Variants in IRAK3 observed in about 807,000 individuals in gnomAD.
IRAK3 encodes the protein interleukin-1 receptor-associated kinase 3.
Under a neutral mutation model 56.6 loss-of-function variants are expected in IRAK3, and 57 were observed. The ratio of observed to expected loss-of-function variants is 1.01; its 90% CI spans 0.81 to 1.26. The LOEUF (loss-of-function observed/expected upper bound fraction) is 1.26, where lower values mean the gene tolerates loss of function less well. Among genes scored for constraint, IRAK3 ranks in the 50% most tolerant of loss-of-function variants. The probability of loss-of-function intolerance (pLI) is 0.00; values close to 1 mark genes in which losing one functional copy is unlikely to be tolerated. For missense variants in IRAK3, 703 were observed against 719.0 expected (o/e 0.98, Z 0.25); for synonymous variants, 258 against 255.7 (o/e 1.01, Z -0.09).
intron 6 of IRAK3, among the ~76,000 whole-genome samples, chr12:66,222,461 CG>C (rs1354643417): frequency 6.6e-6 from 1 of 151,836 alleles, no homozygotes; most frequent in Non-Finnish European, 1.5e-5. Flanking sequence ...TGTTGGCATA[CG>C]ATAGTTCATA....
At chr12:66,240,536 G>T (rs1247481374) in intron 8 of IRAK3, among the ~76,000 whole-genome samples, 1 of 152,144 alleles carries the variant, frequency 6.6e-6, no homozygotes, top group Non-Finnish European at 1.5e-5. Flanking sequence ...TAGCCTGCAG[G>T]TTCTAGGAGA....
At chr12:66,238,409 AC>A (rs2052930200) in intron 8 of IRAK3, among the ~76,000 whole-genome samples, 1 of 152,228 alleles carries the variant, frequency 6.6e-6, no homozygotes, top group South Asian at 2.1e-4. Context: ...GCTGAGGCTT[AC>A]AGAGATTAGT....
At chr12:66,206,902 A>G (rs1212738277) in intron 2 of IRAK3, among the ~76,000 whole-genome samples, 18 of 152,104 alleles carry the variant, frequency 1.2e-4, no homozygotes. Context: ...GTCCATGTAT[A>G]TTGTTTATTT....
At chr12:66,213,060 A>T (rs572816537) in intron 5 of IRAK3, among the ~76,000 whole-genome samples, 3 of 152,186 alleles carry the variant, frequency 2.0e-5, no homozygotes, top group African/African-American at 7.2e-5. Flanking sequence ...AAAAATAAAT[A>T]AAAAAGAAAA....
intron 1 of IRAK3, among the ~76,000 whole-genome samples, chr12:66,198,599 C>T (rs2052477216): frequency 1.3e-5 from 2 of 151,914 alleles, no homozygotes; most frequent in South Asian, 4.2e-4. Context: ...ATGTCTTATC[C>T]CAAAGTTTCA....
At chr12:66,217,071 C>G (rs1026744059) in intron 5 of IRAK3, 100 bp from the exon 6 acceptor site, 1 of 855,178 alleles carries the variant, frequency 1.2e-6, no homozygotes, top group African/African-American at 1.7e-5. Context: ...GTGTTTACAC[C>G]AAAAAGTTCA....
intron 8 of IRAK3, chr12:66,234,211 A>G (rs1353484168): frequency 6.2e-7 from 1 of 1,613,876 alleles, no homozygotes; most frequent in African/African-American, 1.3e-5. Flanking sequence ...CTCCTTGCAT[A>G]GCTGACGTTG....
At chr12:66,196,971 A>G in intron 1 of IRAK3, 1 of 1,534,670 alleles carries the variant, frequency 6.5e-7, no homozygotes, top group Non-Finnish European at 8.7e-7. Context: ...CCAAATACGG[A>G]TGTGTTGCAT....
At chr12:66,209,914 G>T (rs183227383) in intron 3 of IRAK3, among the ~76,000 whole-genome samples, 1 of 152,230 alleles carries the variant, frequency 6.6e-6, no homozygotes, top group Admixed American at 6.5e-5. Context: ...AATTGACTTT[G>T]ACTGACTATG....
intron 1 of IRAK3, among the ~76,000 whole-genome samples, chr12:66,202,332 T>TTC (rs1349110542): frequency 9.9e-5 from 15 of 152,100 alleles, no homozygotes; most frequent in Non-Finnish European, 2.1e-4. Flanking sequence ...AGGATTGAGC[T>TTC]TCTATACACC....
At chr12:66,223,392 G>C (rs1391171390) in intron 6 of IRAK3, among the ~76,000 whole-genome samples, 1 of 151,932 alleles carries the variant, frequency 6.6e-6, no homozygotes, top group Non-Finnish European at 1.5e-5. Flanking sequence ...AGGCGCGGTG[G>C]CTCACGCCTG....
At chr12:66,235,562 G>T (rs1226417245) in intron 8 of IRAK3, among the ~76,000 whole-genome samples, 2 of 151,902 alleles carry the variant, frequency 1.3e-5, no homozygotes, top group Non-Finnish European at 2.9e-5. Context: ...GTTCGCGCGC[G>T]GAGCTGGCGG....
intron 1 of IRAK3, chr12:66,197,663 A>G (rs1445917173): frequency 8.1e-6 from 8 of 985,316 alleles, no homozygotes; most frequent in South Asian, 9.4e-5. Flanking sequence ...AACTTCTGCT[A>G]TTAGAAAAAA....
chr12:66,209,141 TAAC>T (rs1458865085), intron 2 of IRAK3, among the ~76,000 whole-genome samples: 3 of 151,822 alleles, frequency 2.0e-5, no homozygotes, highest in African/African-American at 4.8e-5. Context: ...TTTTAATGTC[TAAC>T]AACAATTTGT....
At chr12:66,209,318 T>G (rs976669163) in intron 2 of IRAK3, 138 bp from the exon 3 acceptor site, 1 of 646,662 alleles carries the variant, frequency 1.5e-6, no homozygotes, top group African/African-American at 1.8e-5. Context: ...TTTCACAAAT[T>G]TATCGTAATG....
rs34272472 is a variant in IRAK3 at position 66,245,099 on chromosome 12, G to A, written c.1151G>A (p.Arg384Gln). ...AAAATTGTCTCCCTCTCTTCCAAGC[G>A]GGATCTCCTTAGAGAATTGATGGAG... is the stretch of plus-strand genomic sequence containing the variant. ...VLDDPKHIQL[R>Q]DLLRELMEKR... is the part of the protein sequence containing the mutation. Residue 384 changes from arginine (R) to glutamine (Q), a missense_variant and splice_region_variant, in exon 11 of 12, where the codon CGG becomes CAG. By Grantham distance (43) the Arg-to-Gln change is conservative. Coordinates refer to ENST00000261233, the MANE Select transcript of IRAK3 (RefSeq NM_007199.3). 1.1e-4 allele frequency: 171 copies of A among 1,614,014 alleles called. 1 individual carries two copies. The East Asian group carries it at 1.9e-3, about 18-fold the overall frequency.
At chr12:66,245,977 A>G (rs1322816401) in intron 11 of IRAK3, among the ~76,000 whole-genome samples, 3 of 152,034 alleles carry the variant, frequency 2.0e-5, no homozygotes, top group African/African-American at 7.2e-5. Flanking sequence ...GGGTGCTGGG[A>G]ATATATCAGT....
intron 6 of IRAK3, among the ~76,000 whole-genome samples, chr12:66,222,751 A>T (rs1229685190): frequency 6.6e-6 from 1 of 152,062 alleles, no homozygotes; most frequent in Admixed American, 6.5e-5. Context: ...TTTTTATGTT[A>T]TGAGACGCAA....
At chr12:66,195,753 G>A (rs1348677965) in intron 1 of IRAK3, among the ~76,000 whole-genome samples, 1 of 151,984 alleles carries the variant, frequency 6.6e-6, no homozygotes, top group African/African-American at 2.4e-5. Flanking sequence ...TCTACCTCCC[G>A]GGTTCAAGAG....
Sources: allele counts gnomAD v4.1 joint callset (sites outside exome capture counted in the v4.1 genomes callset), GRCh38; gene constraint gnomAD v4.1.1; transcripts MANE v1.5; gene names NCBI Gene and HGNC (gene_info 2026-07-23, HGNC 2026-07-21).